CSMD1: variants seen among roughly 807,000 people sequenced by gnomAD.
CSMD1 encodes CUB and sushi domain-containing protein 1.
In CSMD1, 213 loss-of-function variants were observed where a neutral mutation model predicts 417.5. The ratio of observed to expected loss-of-function variants is 0.51; its 90% CI spans 0.46 to 0.57. CSMD1 has a LOEUF of 0.57. Among genes scored for constraint, CSMD1 ranks in the 20% least tolerant of loss-of-function variants. The pLI is 0.00. For synonymous variants in CSMD1, 2,862 were observed against 1,736.8 expected, an observed-to-expected ratio of 1.65 and a Z score of -16.11; for missense variants, 6,923 against 4,529.7, an observed-to-expected ratio of 1.53 and a Z score of -15.17.
intron 10 of CSMD1, among the ~76,000 whole-genome samples, chr8:3,544,159 G>C (rs145704096): frequency 1.4e-4 from 22 of 152,210 alleles, no homozygotes; most frequent in Admixed American, 3.9e-4. Flanking sequence ...TCCCTAGAAA[G>C]TTATGTATTC....
intron 3 of CSMD1, among the ~76,000 whole-genome samples, chr8:4,170,650 T>G (rs1443203268): frequency 6.6e-6 from 1 of 151,920 alleles, no homozygotes; most frequent in East Asian, 1.9e-4. Context: ...TTACATTCAC[T>G]TAAGAGAAGT....
At chr8:4,849,843 G>T (rs1277209305) in intron 1 of CSMD1, among the ~76,000 whole-genome samples, 1 of 152,088 alleles carries the variant, frequency 6.6e-6, no homozygotes. Flanking sequence ...TTTCCTCATT[G>T]TTATGTAACA....
intron 3 of CSMD1, among the ~76,000 whole-genome samples, chr8:4,369,696 C>A (rs1028975519): frequency 6.6e-6 from 1 of 152,014 alleles, no homozygotes; most frequent in Non-Finnish European, 1.5e-5. Context: ...TACGTAATGC[C>A]CTTGTCTTTT....
intron 6 of CSMD1, among the ~76,000 whole-genome samples, chr8:3,738,834 C>G (rs1434323013): frequency 6.6e-6 from 1 of 152,150 alleles, no homozygotes; most frequent in Non-Finnish European, 1.5e-5. Flanking sequence ...TTCTCTTCAT[C>G]TAAAATAGGC....
chr8:4,169,059 G>C (rs1797617925), intron 3 of CSMD1, among the ~76,000 whole-genome samples: 3 of 152,084 alleles, frequency 2.0e-5, no homozygotes, highest in Admixed American at 2.0e-4. Flanking sequence ...TCTGACCTCT[G>C]GATGTTTCTC....
At chr8:3,692,946 T>C (rs540897788) in intron 7 of CSMD1, among the ~76,000 whole-genome samples, 2 of 152,182 alleles carry the variant, frequency 1.3e-5, no homozygotes, top group African/African-American at 2.4e-5. Flanking sequence ...AAAAAAGTGA[T>C]CCTGTTTTTT....
chr8:3,025,012 A>C (rs568207370), intron 51 of CSMD1, among the ~76,000 whole-genome samples: 2 of 149,078 alleles, frequency 1.3e-5, no homozygotes, highest in African/African-American at 5.0e-5. Flanking sequence ...GTTATTCTGA[A>C]ACCGTGTATT....
At chr8:4,081,256 C>T (rs899129110) in intron 3 of CSMD1, among the ~76,000 whole-genome samples, 5 of 152,162 alleles carry the variant, frequency 3.3e-5, no homozygotes, top group African/African-American at 9.7e-5. Flanking sequence ...TGTGGTAGCT[C>T]ATTTTGAAAT....
chr8:4,907,322 G>A (rs1298473122), intron 1 of CSMD1, among the ~76,000 whole-genome samples: 4 of 152,054 alleles, frequency 2.6e-5, no homozygotes, highest in East Asian at 3.9e-4. Context: ...GAACTCTCTC[G>A]CTATTAACCT....
At chr8:3,473,209 ATTAC>A (rs1246031878) in intron 11 of CSMD1, among the ~76,000 whole-genome samples, 1 of 152,180 alleles carries the variant, frequency 6.6e-6, no homozygotes, top group Non-Finnish European at 1.5e-5. Context: ...TTAATCTTAT[ATTAC>A]TTTGTTCATT....
chr8:4,652,320 A>G (rs1321595977), intron 1 of CSMD1, among the ~76,000 whole-genome samples: 1 of 152,148 alleles, frequency 6.6e-6, no homozygotes, highest in Non-Finnish European at 1.5e-5. Context: ...GACATTTCTC[A>G]TTAGTCTAAT....
chr8:3,656,438 G>A (rs1474194027), intron 7 of CSMD1, among the ~76,000 whole-genome samples: 1 of 151,860 alleles, frequency 6.6e-6, no homozygotes, highest in Non-Finnish European at 1.5e-5. Context: ...TCTTATCTTT[G>A]TGAGAGTGAA....
At chr8:4,283,361 T>A (rs963817215) in intron 3 of CSMD1, among the ~76,000 whole-genome samples, 1 of 152,188 alleles carries the variant, frequency 6.6e-6, no homozygotes, top group East Asian at 1.9e-4. Context: ...CGAACATCTT[T>A]GCCATCTGAA....
intron 3 of CSMD1, among the ~76,000 whole-genome samples, chr8:4,407,207 C>T (rs540108557): frequency 5.9e-5 from 9 of 152,256 alleles, no homozygotes; most frequent in African/African-American, 2.2e-4. Context: ...GAGTGATCAC[C>T]CCTGAATTCC....
chr8:4,787,835 T>C (rs1165345172), intron 1 of CSMD1: 8 of 1,571,874 alleles, frequency 5.1e-6, no homozygotes, highest in East Asian at 4.5e-5. Context: ...ATATTTGAAA[T>C]GCTGGAGAAA....
At chr8:3,546,232 G>T (rs932010199) in intron 10 of CSMD1, among the ~76,000 whole-genome samples, 1 of 151,710 alleles carries the variant, frequency 6.6e-6, no homozygotes, top group Non-Finnish European at 1.5e-5. Flanking sequence ...TGCAGATAGT[G>T]CCCTCAATGG....
chr8:4,229,530 C>G (rs1256602360), intron 3 of CSMD1, among the ~76,000 whole-genome samples: 1 of 152,128 alleles, frequency 6.6e-6, no homozygotes, highest in Non-Finnish European at 1.5e-5. Flanking sequence ...CTTTTTTCCT[C>G]TTATTTCTCA....
rs530633928 is a variant in CSMD1 at position 4,206,817 on chromosome 8, A to T, written c.416-174718T>A. Among the ~76,000 whole-genome samples, 4 of 152,308 alleles carry T rather than the reference A, an allele frequency of 2.6e-5. No individual in the cohort carries two copies. The South Asian group carries it at 8.3e-4, about 32-fold the overall frequency. On this transcript the variant is annotated intron_variant, in intron 3 of 69. Transcript: ENST00000635120. ...TATAAAGATTGTTCTAATATTTATGACTTTTGAGTGATTATTTTGTGGGCT... is the reference window on the plus strand; with the variant it reads ...TATAAAGATTGTTCTAATATTTATGTCTTTTGAGTGATTATTTTGTGGGCT...
At chr8:4,830,382 C>G (rs894997237) in intron 1 of CSMD1, among the ~76,000 whole-genome samples, 5 of 152,286 alleles carry the variant, frequency 3.3e-5, no homozygotes, top group Admixed American at 2.6e-4. Flanking sequence ...GAAAAAATAA[C>G]ACTTATCTGT....
Sources: allele counts gnomAD v4.1 joint callset (sites outside exome capture counted in the v4.1 genomes callset), GRCh38; gene constraint gnomAD v4.1.1; transcripts MANE v1.5; gene names NCBI Gene and HGNC (gene_info 2026-07-23, HGNC 2026-07-21).